UBE2G1: variants seen among roughly 807,000 people sequenced by gnomAD.
The protein encoded by UBE2G1 is ubiquitin conjugating enzyme E2 G1.
A neutral mutation model predicts 22.7 loss-of-function variants in UBE2G1; 5 were observed. The ratio of observed to expected loss-of-function variants is 0.22; its 90% confidence interval spans 0.12 to 0.46. The LOEUF (loss-of-function observed/expected upper bound fraction) is 0.46. Ranked by LOEUF, UBE2G1 falls within the 20% of genes least tolerant of loss-of-function variation. UBE2G1 has a pLI of 0.99. For missense variants in UBE2G1, 88 were observed against 203.9 expected, an observed-to-expected ratio of 0.43 and a Z score of 3.46; for synonymous variants, 74 against 67.5, an observed-to-expected ratio of 1.10 and a Z score of -0.47.
At chr17:4,309,012 G>A (rs749765075) in intron 1 of UBE2G1, among the ~76,000 whole-genome samples, 1 of 152,178 alleles carries the variant, frequency 6.6e-6, no homozygotes, top group South Asian at 2.1e-4. Context: ...TAATCTCAAC[G>A]CTTTCAGGAA....
At chr17:4,325,926 G>T (rs900606892) in intron 1 of UBE2G1, among the ~76,000 whole-genome samples, 1 of 152,116 alleles carries the variant, frequency 6.6e-6, no homozygotes, top group Non-Finnish European at 1.5e-5. Context: ...GCAAAAGAAT[G>T]AAGGTGGATT....
intron 5 of UBE2G1, among the ~76,000 whole-genome samples, chr17:4,280,215 C>G (rs891991857): frequency 6.7e-6 from 1 of 148,912 alleles, no homozygotes; most frequent in African/African-American, 2.5e-5. Context: ...TTTTGTATAT[C>G]TGGTAGAGAC....
chr17:4,284,813 C>T (rs1396803163), intron 4 of UBE2G1, among the ~76,000 whole-genome samples: 1 of 122,016 alleles, frequency 8.2e-6, no homozygotes, highest in Non-Finnish European at 1.6e-5. Context: ...ATTTCTTTTT[C>T]TTTTTCTTTT....
At chr17:4,314,539 T>C (rs1378588529) in intron 1 of UBE2G1, among the ~76,000 whole-genome samples, 3 of 152,238 alleles carry the variant, frequency 2.0e-5, no homozygotes, top group Non-Finnish European at 4.4e-5. Flanking sequence ...AGTGTGATCC[T>C]TTTTTATTAC....
intron 5 of UBE2G1, among the ~76,000 whole-genome samples, chr17:4,275,112 C>T (rs927373197): frequency 6.6e-6 from 1 of 151,976 alleles, no homozygotes; most frequent in Non-Finnish European, 1.5e-5. Context: ...TAAAAAAAAA[C>T]AACACTAAAA....
intron 4 of UBE2G1, among the ~76,000 whole-genome samples, chr17:4,285,950 T>TAAA (rs530717927): frequency 7.7e-6 from 1 of 130,488 alleles, no homozygotes; most frequent in Non-Finnish European, 1.7e-5. Context: ...ACTACATCTT[T>TAAA]AAAAAAAAAA....
At chr17:4,275,598 A>T (rs1190172333) in intron 5 of UBE2G1, among the ~76,000 whole-genome samples, 1 of 152,182 alleles carries the variant, frequency 6.6e-6, no homozygotes, top group African/African-American at 2.4e-5. Flanking sequence ...CTAATCTTTT[A>T]AAAAGATCTA....
intron 3 of UBE2G1, among the ~76,000 whole-genome samples, chr17:4,290,063 T>C (rs1302839735): frequency 6.6e-6 from 1 of 152,138 alleles, no homozygotes; most frequent in African/African-American, 2.4e-5. Context: ...TGTATTGACA[T>C]AACTATTTAA....
chr17:4,302,495 T>C (rs1249816241), intron 2 of UBE2G1: 2 of 464,858 alleles, frequency 4.3e-6, no homozygotes, highest in Middle Eastern at 3.5e-4. Context: ...ATTCAGAATC[T>C]TGGGGTGGCC....
intron 5 of UBE2G1, among the ~76,000 whole-genome samples, chr17:4,274,873 G>T (rs900677656): frequency 3.3e-4 from 31 of 92,710 alleles, no homozygotes; most frequent in African/African-American, 1.0e-3. Context: ...GGCAACAGGA[G>T]ACCCTTGTCT....
chr17:4,307,674 C>T (rs914856780), intron 1 of UBE2G1, among the ~76,000 whole-genome samples: 2 of 152,164 alleles, frequency 1.3e-5, no homozygotes, highest in African/African-American at 4.8e-5. Context: ...ACAAGGAGAG[C>T]AGGGGCCCCA....
intron 2 of UBE2G1, among the ~76,000 whole-genome samples, chr17:4,300,878 C>A (rs1258702546): frequency 6.6e-6 from 1 of 150,974 alleles, no homozygotes; most frequent in Non-Finnish European, 1.5e-5. Context: ...GTAGGAGAAT[C>A]ACTTGAACCC....
chr17:4,350,949 CGTG>C, intron 1 of UBE2G1, among the ~76,000 whole-genome samples: 1 of 151,158 alleles, frequency 6.6e-6, no homozygotes, highest in Non-Finnish European at 1.5e-5. Context: ...AGGAGAATGG[CGTG>C]AACTCGGGAG....
chr17:4,355,731 T>C (rs934363075), intron 1 of UBE2G1, among the ~76,000 whole-genome samples: 3 of 147,452 alleles, frequency 2.0e-5, no homozygotes, highest in Non-Finnish European at 4.5e-5. Flanking sequence ...TGAGACGGAA[T>C]TTCTTGTTCC....
chr17:4,347,226 T>C (rs563324317), intron 1 of UBE2G1, among the ~76,000 whole-genome samples: 1 of 152,228 alleles, frequency 6.6e-6, no homozygotes, highest in African/African-American at 2.4e-5. Context: ...ACATTCTGGA[T>C]TTCAGATTTT....
chr17:4,284,104 G>C (rs2006762), intron 4 of UBE2G1, among the ~76,000 whole-genome samples: 56,667 of 147,444 alleles, frequency 0.38, 11,496 homozygotes, highest in African/African-American at 0.53. Context: ...TTGCAGTGAG[G>C]CAATATCGTG....
intron 5 of UBE2G1, among the ~76,000 whole-genome samples, chr17:4,279,070 T>C (rs1351241857): frequency 6.6e-6 from 1 of 151,438 alleles, no homozygotes; most frequent in Non-Finnish European, 1.5e-5. Context: ...AGGTCAGGAG[T>C]TCGAGGCCAG....
chr17:4,305,838 A>C (rs9915202), intron 2 of UBE2G1, among the ~76,000 whole-genome samples: 5,646 of 152,294 alleles, frequency 0.037, 385 homozygotes, highest in African/African-American at 0.13. Context: ...CAACGCACCA[A>C]GCCAGCAGAT....
intron 1 of UBE2G1, among the ~76,000 whole-genome samples, chr17:4,354,407 C>G (rs547767271): frequency 3.3e-5 from 5 of 152,290 alleles, no homozygotes; most frequent in Middle Eastern, 3.4e-3. Flanking sequence ...ATGAGCTTCA[C>G]TCCACAGATC....
Sources: gnomAD v4.1 joint callset for allele counts (sites outside exome capture counted in the v4.1 genomes callset) on GRCh38, gnomAD v4.1.1 for gene constraint, MANE v1.5 for transcripts, NCBI Gene and HGNC (gene_info 2026-07-23, HGNC 2026-07-21) for gene names.